Variants in ZNF121 observed in about 807,000 individuals in gnomAD.
ZNF121 encodes the protein zinc finger protein 121 (clone ZHC32).
In ZNF121, 1 loss-of-function variant was observed where a neutral mutation model predicts 2.4. That is an observed-to-expected ratio of 0.41 (90% CI 0.15 to 1.94). ZNF121 has a LOEUF of 1.94. Among genes scored for constraint, ZNF121 ranks in the 30% most tolerant of loss-of-function variants. The probability of loss-of-function intolerance (pLI) is 0.30; values close to 1 mark genes in which losing one functional copy is unlikely to be tolerated. For synonymous variants in ZNF121, 173 were observed against 158.6 expected (o/e 1.09, Z -0.68); for missense variants, 369 against 466.3 (o/e 0.79, Z 1.92).
intron 1 of ZNF121, among the ~76,000 whole-genome samples, chr19:9,579,280 G>A (rs995536314): frequency 2.0e-5 from 3 of 152,238 alleles, no homozygotes; most frequent in Non-Finnish European, 2.9e-5. Flanking sequence ...CTCAGGTGTA[G>A]TGGCTCATGC....
In ZNF121 at chr19:9,565,148, C is replaced by T. The variant is rs901459049; in HGVS notation, c.*792G>A. The T allele has an allele frequency of 6.6e-6, 1 of 151,886 alleles. No homozygotes were observed. The highest frequency in any genetic ancestry group is 6.6e-5 in the Admixed American group (1 of 15,230). The allele number at this position is 151,886 out of a possible 1,614,324, so 9.4% of individuals were successfully genotyped here. ...TAGTGGTAGTCTGGAACAAAACTCACAATATCTACAGGGCATGCCTGTATC... is the reference window on the plus strand; with the variant it reads ...TAGTGGTAGTCTGGAACAAAACTCATAATATCTACAGGGCATGCCTGTATC... On this transcript the variant is annotated 3_prime_UTR_variant, in exon 4 of 4. Coordinates refer to ENST00000320451, the MANE Select transcript of ZNF121 (RefSeq NM_001008727.5).
intron 1 of ZNF121, among the ~76,000 whole-genome samples, chr19:9,574,534 A>G (rs373779857): frequency 6.6e-6 from 1 of 152,196 alleles, no homozygotes; most frequent in African/African-American, 2.4e-5. Context: ...CGAACAAAGG[A>G]GACAGGTTCA....
At chr19:9,581,153 G>A (rs565852188) in intron 1 of ZNF121, among the ~76,000 whole-genome samples, 2 of 151,772 alleles carry the variant, frequency 1.3e-5, no homozygotes, top group East Asian at 1.9e-4. Flanking sequence ...TAGGAATAAC[G>A]CTCAAAATCC....
chr19:9,566,219 G>A lies in ZNF121; in HGVS notation c.894C>T (p.Ser298=), dbSNP rs1289988125. ...TATGGATTTTTACATGATTATGTAA[G>A]CTTGAGGAAACAGTGAATGCTTTCC... ...ECGKAFTVSS[S]LHNHVKIHTG... The change falls in exon 4 of 4, where the codon AGC becomes AGT. Residue 298 remains serine, a synonymous_variant. Transcript: ENST00000320451. The A allele has an allele frequency of 6.2e-7, 1 of 1,613,954 alleles. No individual in the cohort carries two copies. Among genetic ancestry groups the A allele is most frequent in the African/African-American group, 1.3e-5 (1 of 74,934 alleles).
intron 1 of ZNF121, among the ~76,000 whole-genome samples, chr19:9,578,812 A>G (rs1323884998): frequency 1.3e-5 from 2 of 152,206 alleles, no homozygotes; most frequent in African/African-American, 2.4e-5. Context: ...CAGCACAGGC[A>G]ACAGGAGCAA....
rs2074119885 is a variant in ZNF121, at chr19:9,564,934, A to G, written c.*1006T>C. ...GAGGCAAGACCTACCACAAGCAAAA[A>G]GATTACAACTCACCAAAGTCTCACA... On this transcript the variant is annotated 3_prime_UTR_variant, in exon 4 of 4. Transcript: ENST00000320451. The G allele has an allele frequency of 6.6e-6, 1 of 152,240 alleles. No homozygotes were observed. 9.4% of individuals were successfully genotyped at this position (152,240 alleles called of 1,614,324 possible).
At chr19:9,573,043 AACAT>A (rs2074185016) in intron 1 of ZNF121, among the ~76,000 whole-genome samples, 1 of 152,064 alleles carries the variant, frequency 6.6e-6, no homozygotes, top group Admixed American at 6.6e-5. Flanking sequence ...ATAAAAAGAA[AACAT>A]ACCCAATAAA....
At chr19:9,583,667 C>T (rs977061243) in intron 1 of ZNF121, among the ~76,000 whole-genome samples, 1 of 151,920 alleles carries the variant, frequency 6.6e-6, no homozygotes, top group Admixed American at 6.6e-5. Flanking sequence ...TCGCGCCTGG[C>T]TAATTTTTTG....
chr19:9,578,273 AG>A (rs2074225631), intron 1 of ZNF121, among the ~76,000 whole-genome samples: 1 of 152,126 alleles, frequency 6.6e-6, no homozygotes, highest in Non-Finnish European at 1.5e-5. Context: ...GCGTGCCTGT[AG>A]TCCCAGCTAC....
At chr19:9,580,009 C>CAGG (rs2074237657) in intron 1 of ZNF121, among the ~76,000 whole-genome samples, 1 of 152,082 alleles carries the variant, frequency 6.6e-6, no homozygotes, top group Non-Finnish European at 1.5e-5. Context: ...ATTCCCTTGT[C>CAGG]AGCCAGGCGC....
chr19:9,576,052 C>T (rs949514285), intron 1 of ZNF121, among the ~76,000 whole-genome samples: 2 of 152,162 alleles, frequency 1.3e-5, no homozygotes, highest in Admixed American at 1.3e-4. Context: ...ACAGAAGATA[C>T]ATTCCTTTCC....
Position 9,582,841 on chromosome 19 carries a change from CACTT to C in ZNF121, c.-160+1616_-160+1619del, listed in dbSNP as rs139686333. Among the ~76,000 whole-genome samples, 211 of 151,322 alleles carry C rather than the reference CACTT, an allele frequency of 1.4e-3. 3 individuals are homozygous for C. In the East Asian group the frequency reaches 0.035, roughly 25 times the overall value. The stretch of plus-strand genomic sequence containing the variant: ...TTTTCAGAAAAAAATGTCAAAACTA[CACTT>C]AGTCTAAACATGCTGTTAATAAATT... On this transcript the variant is annotated intron_variant, in intron 1 of 3. Transcript: ENST00000320451.
intron 1 of ZNF121, among the ~76,000 whole-genome samples, chr19:9,583,552 GGAGTGCAGTGGCGC>G (rs1269787997): frequency 7.5e-6 from 1 of 132,802 alleles, no homozygotes; most frequent in Non-Finnish European, 1.5e-5. Flanking sequence ...TGCCCAGGCT[GGAGTGCAGTGGCGC>G]GATCTCGGCT....
In ZNF121 at chr19:9,566,587, C is replaced by T. The variant is rs1344531231; in HGVS notation, c.526G>A (p.Glu176Lys). Residue 176 changes from glutamate to lysine, a missense_variant, in exon 4 of 4, where the codon GAA becomes AAA. Physicochemically the swap from Glu to Lys is moderately conservative, Grantham distance 56 (BLOSUM62 1). Transcript: ENST00000320451. ...GAAACAGTGAAGCATTTCCCACATT[C>T]CTTACATTCATAGGGTTTCTCCCCA... is the stretch of plus-strand genomic sequence containing the variant. ...HTGEKPYECKECGKCFTVSSH... is the reference protein window; with the variant it reads ...HTGEKPYECKKCGKCFTVSSH... 1.2e-6 allele frequency: 2 copies of T among 1,614,112 alleles called. No homozygotes were observed. Among genetic ancestry groups the T allele is most frequent in the East Asian group, 4.5e-5 (2 of 44,904 alleles).
chr19:9,567,977 A>T (rs2074145666), intron 3 of ZNF121, 118 bp downstream of exon 3: 1 of 1,150,052 alleles, frequency 8.7e-7, no homozygotes, highest in Non-Finnish European at 1.2e-6. Flanking sequence ...TGCTCTAGAG[A>T]CATTCCTCCT....
chr19:9,584,148 G>A (rs950155832), intron 1 of ZNF121: 5 of 152,212 alleles, frequency 3.3e-5, no homozygotes, highest in Non-Finnish European at 7.3e-5. Context: ...GACTGGAACG[G>A]CAGAAATCCT....
chr19:9,583,557 G>A (rs1047061758), intron 1 of ZNF121, among the ~76,000 whole-genome samples: 1 of 139,954 alleles, frequency 7.1e-6, no homozygotes, highest in African/African-American at 2.8e-5. Flanking sequence ...AGGCTGGAGT[G>A]CAGTGGCGCG....
At chr19:9,575,491 C>T (rs1460071834) in intron 1 of ZNF121, among the ~76,000 whole-genome samples, 1 of 151,860 alleles carries the variant, frequency 6.6e-6, no homozygotes, top group Non-Finnish European at 1.5e-5. Context: ...CACCTGTAAT[C>T]CCAGCACTCT....
intron 1 of ZNF121, among the ~76,000 whole-genome samples, chr19:9,583,512 TTG>T: frequency 9.0e-6 from 1 of 110,538 alleles, no homozygotes; most frequent in African/African-American, 6.0e-5. Context: ...TTTTTTTTTT[TTG>T]TGTGTGTGAG....
Sources: allele counts gnomAD v4.1 joint callset (sites outside exome capture counted in the v4.1 genomes callset), GRCh38; gene constraint gnomAD v4.1.1; transcripts MANE v1.5; gene names NCBI Gene and HGNC (gene_info 2026-07-23, HGNC 2026-07-21).